Variants in FUT8 observed in about 807,000 individuals in gnomAD.
FUT8 encodes the protein fucosyltransferase 8, also known as alpha-(1,6)-fucosyltransferase.
In FUT8, 29 loss-of-function variants were observed where a neutral mutation model predicts 71.3. The observed-to-expected ratio is 0.41, with a 90% confidence interval of 0.30 to 0.55. FUT8 has a LOEUF of 0.55. FUT8 is among the 20% of genes least tolerant of loss of function. FUT8 has a pLI of 0.34. For missense variants in FUT8, 544 were observed against 702.1 expected (o/e 0.77, Z 2.55); for synonymous variants, 254 against 239.3 (o/e 1.06, Z -0.57).
intron 2 of FUT8, among the ~76,000 whole-genome samples, chr14:65,485,281 A>G (rs529370644): frequency 6.6e-6 from 1 of 152,302 alleles, no homozygotes; most frequent in South Asian, 2.1e-4. Context: ...CATATCTGGT[A>G]ATCTTCAGCT....
At chr14:65,717,695 C>T (rs1895195481) in intron 7 of FUT8, among the ~76,000 whole-genome samples, 1 of 149,726 alleles carries the variant, frequency 6.7e-6, no homozygotes, top group Admixed American at 6.6e-5. Context: ...AGAGATGCTC[C>T]TCACTTCCCA....
chr14:65,542,207 A>G (rs1884715991), intron 2 of FUT8, among the ~76,000 whole-genome samples: 1 of 152,228 alleles, frequency 6.6e-6, no homozygotes, highest in Admixed American at 6.5e-5. Context: ...AATAGGAATT[A>G]TGACGGTCAT....
the FUT8 span, among the ~76,000 whole-genome samples, chr14:65,374,619 G>T: frequency 2.8e-4 from 42 of 150,984 alleles, no homozygotes; most frequent in Non-Finnish European, 5.3e-4. Context: ...TTTTTTGATG[G>T]AGTCTTTCTC....
At chr14:65,393,905 T>A in the FUT8 span, among the ~76,000 whole-genome samples, 1 of 152,300 alleles carries the variant, frequency 6.6e-6, no homozygotes, top group East Asian at 1.9e-4. Flanking sequence ...ATGTCTTACA[T>A]GGCAGCAGGC....
chr14:65,496,545 T>G (rs1674130559), intron 2 of FUT8, among the ~76,000 whole-genome samples: 1 of 152,054 alleles, frequency 6.6e-6, no homozygotes, highest in Non-Finnish European at 1.5e-5. Context: ...TCTCATGAGA[T>G]CTGATGGTTT....
chr14:65,723,515 G>A (rs1210674908), intron 8 of FUT8, among the ~76,000 whole-genome samples: 2 of 152,132 alleles, frequency 1.3e-5, no homozygotes, highest in Non-Finnish European at 1.5e-5. Flanking sequence ...ACAGAGAAAG[G>A]AAATGCATTA....
intron 7 of FUT8, among the ~76,000 whole-genome samples, chr14:65,675,196 A>G (rs1309191301): frequency 6.6e-6 from 1 of 151,868 alleles, no homozygotes; most frequent in Non-Finnish European, 1.5e-5. Context: ...AGGGAACTGA[A>G]GCTTTGTCCA....
chr14:65,505,198 A>T (rs779633690), intron 2 of FUT8, among the ~76,000 whole-genome samples: 1 of 150,590 alleles, frequency 6.6e-6, no homozygotes, highest in Non-Finnish European at 1.5e-5. Context: ...ATTAGTCTTA[A>T]TTTTTTTCCT....
intron 1 of FUT8, among the ~76,000 whole-genome samples, chr14:65,434,294 T>C (rs1432889073): frequency 6.6e-6 from 1 of 152,232 alleles, no homozygotes; most frequent in African/African-American, 2.4e-5. Context: ...TTTCTCCTGT[T>C]GGCCTCATTT....
At chr14:65,440,577 A>T (rs1457098496) in intron 1 of FUT8, among the ~76,000 whole-genome samples, 1 of 152,224 alleles carries the variant, frequency 6.6e-6, no homozygotes, top group East Asian at 1.9e-4. Context: ...ATCATTCCAC[A>T]GCGTACACAT....
Position 65,638,440 on chromosome 14 carries a change from T to A in FUT8, c.597+8834T>A, listed in dbSNP as rs1252930076. Among the ~76,000 whole-genome samples the A allele has an allele frequency of 6.6e-6, 1 of 152,218 alleles. No individual in the cohort carries two copies. The highest frequency in any genetic ancestry group is 1.5e-5 in the Non-Finnish European group (1 of 68,040). On this transcript the variant is annotated intron_variant, in intron 6 of 10. Transcript: ENST00000673929. This position sits in a 1 kb window ranked among gnomAD's most constrained non-coding sequence, Gnocchi z 4.5. The stretch of plus-strand genomic sequence containing the variant: ...GAAATTGGTAGATTATTTTTCTTTT[T>A]TTTTTGAGAGAAAGAGAGGAAAAAA...
At chr14:65,506,342 A>T (rs555209319) in intron 2 of FUT8, among the ~76,000 whole-genome samples, 94 of 152,332 alleles carry the variant, frequency 6.2e-4, no homozygotes, top group African/African-American at 2.2e-3. Flanking sequence ...TCTTGCTATA[A>T]AAAAAGAAGT....
At chr14:65,676,648 G>T (rs908336082) in intron 7 of FUT8, among the ~76,000 whole-genome samples, 1 of 109,320 alleles carries the variant, frequency 9.1e-6, no homozygotes, top group Non-Finnish European at 1.7e-5. Context: ...TCTTCCTTTT[G>T]TAAGTATTTG....
the FUT8 span, among the ~76,000 whole-genome samples, chr14:65,405,145 G>A: frequency 2.0e-5 from 3 of 152,116 alleles, no homozygotes; most frequent in African/African-American, 7.2e-5. Flanking sequence ...CAGGTAATAG[G>A]ATGGAGAGAA....
chr14:65,559,479 G>T (rs570149612), intron 2 of FUT8, among the ~76,000 whole-genome samples: 1 of 152,056 alleles, frequency 6.6e-6, no homozygotes, highest in East Asian at 1.9e-4. Flanking sequence ...TAAGAAACCC[G>T]AACATCTGTG....
chr14:65,732,084 C>T (rs537493965), intron 9 of FUT8, among the ~76,000 whole-genome samples: 10 of 152,240 alleles, frequency 6.6e-5, no homozygotes, highest in South Asian at 2.1e-4. Flanking sequence ...TTTTCTTTTC[C>T]GAACAAATGT....
chr14:65,716,074 T>G (rs1411753562), intron 7 of FUT8, among the ~76,000 whole-genome samples: 3 of 152,198 alleles, frequency 2.0e-5, no homozygotes, highest in African/African-American at 7.2e-5. Flanking sequence ...ATACTATCCA[T>G]GTGCTGAGGA....
At position 65,483,294 on chromosome 14, in the gene FUT8, G is replaced by A. The variant is rs1440328021; in HGVS notation, c.-228+27576G>A. Reference sequence around the variant, plus strand: ...GAGGAAGCTCTTGCCTTGGTGTTCTGTGTCAGCCTAGGGAGCATTGGCTAC... The same window carrying A: ...GAGGAAGCTCTTGCCTTGGTGTTCTATGTCAGCCTAGGGAGCATTGGCTAC... On this transcript the variant is annotated intron_variant, in intron 2 of 10. Coordinates refer to ENST00000673929, the MANE Select transcript of FUT8 (RefSeq NM_001371533.1). The surrounding 1 kb of genome is among the most constrained non-coding windows in gnomAD (Gnocchi z 4.4). Among the ~76,000 whole-genome samples, 1 of 152,170 alleles carries A rather than the reference G, an allele frequency of 6.6e-6. No individual in the cohort carries two copies. The highest frequency in any genetic ancestry group is 1.5e-5 in the Non-Finnish European group (1 of 68,028).
chr14:65,514,209 TC>T (rs749522075), intron 2 of FUT8, among the ~76,000 whole-genome samples: 10 of 94,728 alleles, frequency 1.1e-4, no homozygotes, highest in Non-Finnish European at 2.0e-4. Flanking sequence ...TTTACCAAGA[TC>T]GGTTGGGCAG....
Sources: allele counts gnomAD v4.1 joint callset (sites outside exome capture counted in the v4.1 genomes callset), GRCh38; gene constraint gnomAD v4.1.1; non-coding constraint Gnocchi (gnomAD v3.1); transcripts MANE v1.5; gene names NCBI Gene and HGNC (gene_info 2026-07-23, HGNC 2026-07-21).